The following TRO variants were observed in gnomAD, a reference collection of about 807,000 sequenced individuals.
The protein encoded by TRO is trophinin, also known as MAGE superfamily protein.
Under a neutral mutation model 42.3 loss-of-function variants are expected in TRO, and 29 were observed. The observed-to-expected ratio is 0.68, with a 90% CI of 0.51 to 0.93. The LOEUF (loss-of-function observed/expected upper bound fraction) is 0.93, where lower values mean the gene tolerates loss of function less well. Ranked by LOEUF, TRO falls within the 40% of genes least tolerant of loss-of-function variation. The pLI is 0.00. For synonymous variants in TRO, 384 were observed against 425.2 expected (o/e 0.90, Z 1.19); for missense variants, 963 against 1,127.7 (o/e 0.85, Z 2.09).
At chrX:54,922,315 T>C in intron 2 of TRO, 24 bp downstream of exon 2, 1 of 1,201,637 alleles carries the variant, frequency 8.3e-7, no homozygotes, top group Non-Finnish European at 1.1e-6. Flanking sequence ...GCATTCTCTC[T>C]AGGCCATCTG....
chrX:54,924,968 C>G (rs769102346), intron 5 of TRO, 21 bp from the exon 6 acceptor site: 9 of 1,203,253 alleles, frequency 7.5e-6, no homozygotes, highest in Non-Finnish European at 1.0e-5. Context: ...CTCAGCTACT[C>G]TCACCTCTCC....
In TRO at chrX:54,923,005, G is replaced by A; in HGVS notation, c.473G>A (p.Gly158Asp). ...KAAQGSQSPT[G>D]HEGGTIQLKS... ...GCCCAAGGCTCCCAATCCCCAACTGGCCATGAGGGTGGCACTATACAGCTG... is the reference window on the plus strand; with the variant it reads ...GCCCAAGGCTCCCAATCCCCAACTGACCATGAGGGTGGCACTATACAGCTG... Residue 158 changes from glycine (G) to aspartate (D), a missense_variant, in exon 3 of 13, where the codon GGC becomes GAC. This residue lies in a region of TRO where 322 missense variants were observed against 316.5 expected (regional missense o/e 1.02). Transcript: ENST00000173898. 8.3e-7 allele frequency: 1 copy of A among 1,211,953 alleles called. No individual in the cohort carries two copies. The highest frequency in any genetic ancestry group is 1.1e-6 in the Non-Finnish European group (1 of 895,586).
intron 11 of TRO, 77 bp from the exon 12 acceptor site, chrX:54,928,526 A>G (rs1932850434): frequency 2.8e-6 from 3 of 1,070,410 alleles, no homozygotes; most frequent in Non-Finnish European, 3.7e-6. Flanking sequence ...TATTGCTACT[A>G]GTTTAATACA....
chrX:54,930,126 C>T lies in TRO; in HGVS notation c.3402C>T (p.Ser1134=), dbSNP rs768755386. Reference sequence around the variant, plus strand: ...GCATTGGCTTTGGTGCTGCTCCCAGCACCAGTGTCAGCTTTGGTGGTGCTC... The same window carrying T: ...GCATTGGCTTTGGTGCTGCTCCCAGTACCAGTGTCAGCTTTGGTGGTGCTC... ...SNSIGFGAAP[S]TSVSFGGAHG... Residue 1134 remains serine (S), a synonymous_variant, in exon 12 of 13, where the codon AGC becomes AGT. Coordinates refer to ENST00000173898, the MANE Select transcript of TRO (RefSeq NM_001039705.3). The T allele has an allele frequency of 5.0e-5, 61 of 1,210,293 alleles. No homozygotes were observed. Among genetic ancestry groups the T allele is most frequent in the Non-Finnish European group, 6.3e-5 (56 of 895,249 alleles).
rs763993961 is a variant in TRO at position 54,931,357 on chromosome X, G to C, written c.*165G>C. On this transcript the variant is annotated 3_prime_UTR_variant, in exon 13 of 13. Transcript: ENST00000173898. Reference sequence around the variant, plus strand: ...CATGTGATGGAAAAATCTGTTTGCTGTTCCTGCTTTATTGTTTGCTTTCTG... The same window carrying C: ...CATGTGATGGAAAAATCTGTTTGCTCTTCCTGCTTTATTGTTTGCTTTCTG... The C allele has an allele frequency of 1.3e-5, 15 of 1,199,844 alleles. No homozygotes were observed. Among genetic ancestry groups the C allele is most frequent in the South Asian group, 8.9e-5 (5 of 56,100 alleles).
chrX:54,922,462 T>C, intron 2 of TRO, 116 bp from the exon 3 acceptor site: 2 of 921,356 alleles, frequency 2.2e-6, no homozygotes, highest in Non-Finnish European at 3.0e-6. Flanking sequence ...TATTCCTTCC[T>C]TGCTCCCTAC....
intron 10 of TRO, 22 bp from the exon 11 acceptor site, chrX:54,927,645 A>C (rs867719366): frequency 8.5e-7 from 1 of 1,173,669 alleles, no homozygotes; most frequent in Middle Eastern, 2.4e-4. Context: ...GTTAGAAACA[A>C]GTTTCATTTC....
chrX:54,922,132 T>G, intron 1 of TRO, 71 bp from the exon 2 acceptor site: 1 of 862,178 alleles, frequency 1.2e-6, no homozygotes, highest in Non-Finnish European at 1.6e-6. Context: ...CAAGGTTACA[T>G]GAGACTCCCC....
chrX:54,924,333 A>T (rs915504255), intron 3 of TRO, 118 bp from the exon 4 acceptor site: 1 of 652,948 alleles, frequency 1.5e-6, no homozygotes, highest in Non-Finnish European at 2.3e-6. Context: ...AGGCTCCACT[A>T]CAGCAAGGCT....
chrX:54,923,423 C>CA lies in TRO; in HGVS notation c.897dup (p.Ser300IlefsTer16), dbSNP rs1358502901. The CA allele has an allele frequency of 8.4e-7, 1 of 1,196,530 alleles. No individual in the cohort carries two copies. Among genetic ancestry groups the CA allele is most frequent in the Non-Finnish European group, 1.1e-6 (1 of 887,432 alleles). ...AGGCCTCAGTAGTGGCTATCAGGCC[C>CA]AAAAAATCCAAGGGCAAGAAGGCTG... On this transcript the variant is annotated frameshift_variant, in exon 3 of 13. Transcript: ENST00000173898.
At chrX:54,923,917 A>G in intron 3 of TRO, 149 bp downstream of exon 3, 1 of 612,185 alleles carries the variant, frequency 1.6e-6, no homozygotes, top group East Asian at 3.6e-5. Context: ...AAGGTGATAT[A>G]GTTTCTGCTC....
In TRO at chrX:54,929,075, G is replaced by C; in HGVS notation, c.2351G>C (p.Ser784Thr). 8.2e-7 allele frequency: 1 copy of C among 1,212,505 alleles called. No homozygotes were observed. The highest frequency in any genetic ancestry group is 1.1e-6 in the Non-Finnish European group (1 of 895,696). The change falls in exon 12 of 13, where the codon AGC becomes ACC. Residue 784 changes from serine (S) to threonine (T), a missense_variant. Coordinates refer to ENST00000173898, the MANE Select transcript of TRO (RefSeq NM_001039705.3). ...SISFGGTLST[S>T]SSFSSAASIS... ...AGCTTTGGTGGTACACTGAGCACTA[G>C]CTCCAGCTTCAGCAGCGCAGCCAGC...
chrX:54,926,941 C>T, intron 9 of TRO, 102 bp from the exon 10 acceptor site: 1 of 959,137 alleles, frequency 1.0e-6, no homozygotes, highest in South Asian at 2.2e-5. Flanking sequence ...TTCATTGAGA[C>T]TGCCCCATGT....
rs757845016 is a variant in TRO at position 54,930,087 on chromosome X, T to C, written c.3363T>C (p.Gly1121=). The change falls in exon 12 of 13, where the codon GGT becomes GGC. Residue 1121 remains glycine, a synonymous_variant. Transcript: ENST00000173898. ...TTAGTACCGCTGCTGACTTCGGTGG[T>C]ACTCCCAGCAACAGCATTGGCTTTG... The part of the protein sequence containing the change: ...GALSTAADFG[G]TPSNSIGFGA... The C allele has an allele frequency of 7.4e-6, 9 of 1,209,248 alleles. No homozygotes were observed. Among genetic ancestry groups the C allele is most frequent in the Non-Finnish European group, 1.0e-5 (9 of 894,902 alleles).
At position 54,929,010 on chromosome X, in the gene TRO, A is replaced by T. The variant is rs765852537; in HGVS notation, c.2286A>T (p.Ala762=). ...SGGPGITFGV[A]PSTSASFSNT... Reference sequence around the variant, plus strand: ...GACCTGGCATTACCTTTGGTGTTGCACCCAGCACCAGTGCCAGCTTCAGCA... The same window carrying T: ...GACCTGGCATTACCTTTGGTGTTGCTCCCAGCACCAGTGCCAGCTTCAGCA... Residue 762 remains alanine (A), a synonymous_variant, in exon 12 of 13, where the codon GCA becomes GCT. Transcript: ENST00000173898. The T allele has an allele frequency of 7.4e-6, 9 of 1,210,922 alleles. No individual in the cohort carries two copies. Among genetic ancestry groups the T allele is most frequent in the Non-Finnish European group, 1.0e-5 (9 of 895,440 alleles).
intron 7 of TRO, among the ~76,000 whole-genome samples, chrX:54,926,153 TG>T (rs1932735666): frequency 8.9e-6 from 1 of 112,145 alleles, no homozygotes; most frequent in South Asian, 3.7e-4. Context: ...TCCATCTTCT[TG>T]GCAACCTGAG....
In TRO at chrX:54,923,128, C is replaced by A; in HGVS notation, c.596C>A (p.Ser199Tyr). 4 of 1,211,728 alleles carry A rather than the reference C, an allele frequency of 3.3e-6. No individual in the cohort carries two copies. The highest frequency in any genetic ancestry group is 4.5e-6 in the Non-Finnish European group (4 of 895,535). ...GCCAGTTCCCAAGCCTTGATAACCT[C>A]TATCAAGCCTAAGAAAGCTTCCAAG... ...ESASSQALIT[S>Y]IKPKKASKAK... Residue 199 changes from serine (S) to tyrosine (Y), a missense_variant, in exon 3 of 13, where the codon TCT (serine) becomes TAT (tyrosine). Coordinates refer to ENST00000173898, the MANE Select transcript of TRO (RefSeq NM_001039705.3).
intron 9 of TRO, chrX:54,926,830 C>T: frequency 1.5e-6 from 1 of 663,341 alleles, no homozygotes; most frequent in Non-Finnish European, 2.2e-6. Context: ...TCTGTCTGTT[C>T]TAAGCTGAGA....
At chrX:54,925,367 C>G (rs988314137) in intron 6 of TRO, among the ~76,000 whole-genome samples, 2 of 111,963 alleles carry the variant, frequency 1.8e-5, no homozygotes, top group African/African-American at 3.3e-5. Context: ...TTTTCTGTCT[C>G]CCTAGATTCC....
Sources: allele counts gnomAD v4.1 joint callset (sites outside exome capture counted in the v4.1 genomes callset), GRCh38; gene constraint gnomAD v4.1.1; regional missense constraint gnomAD v4.1.1; transcripts MANE v1.5; gene names NCBI Gene and HGNC (gene_info 2026-07-23, HGNC 2026-07-21).